Variants in CACNA1I observed in about 807,000 individuals in gnomAD.
CACNA1I encodes the protein voltage-dependent T-type calcium channel subunit alpha-1I.
In CACNA1I, 74 loss-of-function variants were observed where a neutral mutation model predicts 201.6. The observed-to-expected ratio is 0.37, with a 90% CI of 0.30 to 0.45. CACNA1I has a LOEUF of 0.45. CACNA1I is among the 20% of genes least tolerant of loss of function. The pLI, the probability that CACNA1I is intolerant of heterozygous loss-of-function variation, is 1.00. For missense variants in CACNA1I, 2,346 were observed against 3,138.1 expected, an observed-to-expected ratio of 0.75 and a Z score of 6.03; for synonymous variants, 1,431 against 1,345.2, an observed-to-expected ratio of 1.06 and a Z score of -1.40.
intron 4 of CACNA1I, among the ~76,000 whole-genome samples, chr22:39,624,067 G>A (rs1933831109): frequency 6.6e-6 from 1 of 151,496 alleles, no homozygotes; most frequent in African/African-American, 2.4e-5. Context: ...GTGCCTGTGA[G>A]GGTGTGTTTG....
intron 1 of CACNA1I, among the ~76,000 whole-genome samples, chr22:39,590,772 C>A (rs1932811656): frequency 6.6e-6 from 1 of 152,202 alleles, no homozygotes; most frequent in Non-Finnish European, 1.5e-5. Flanking sequence ...TAGTATCAGC[C>A]AGTTTGGGAG....
rs1569093501 is a variant in CACNA1I at position 39,669,919 on chromosome 22, C to G, written c.4195-119C>G. The G allele has an allele frequency of 2.7e-6, 3 of 1,131,500 alleles. No individual in the cohort carries two copies. In the East Asian group the frequency reaches 7.1e-5, roughly 27 times the overall value. The allele number at this position is 1,131,500 out of a possible 1,614,324, so 70.1% of individuals were successfully genotyped here. A position where few individuals can be genotyped will look rare whatever the true frequency, so the allele number is the denominator to read the frequency against. On this transcript the variant is annotated intron_variant, in intron 24 of 36. Coordinates refer to ENST00000402142, the MANE Select transcript of CACNA1I (RefSeq NM_021096.4). ...CTGCCTCATTTAGACCTCACAGCCACCTTCCTGGAGGCAGGCTCAACACAT... is the reference window on the plus strand; with the variant it reads ...CTGCCTCATTTAGACCTCACAGCCAGCTTCCTGGAGGCAGGCTCAACACAT...
At chr22:39,583,575 A>G (rs1033533785) in intron 1 of CACNA1I, among the ~76,000 whole-genome samples, 3 of 152,144 alleles carry the variant, frequency 2.0e-5, no homozygotes, top group African/African-American at 7.2e-5. Flanking sequence ...CTTCCTAACA[A>G]TTACTTATTT....
chr22:39,649,586 C>A lies in CACNA1I; in HGVS notation c.1653C>A (p.Ala551=). Residue 551 remains alanine (A), a synonymous_variant, in exon 10 of 37, where the codon GCC becomes GCA. Coordinates refer to ENST00000402142, the MANE Select transcript of CACNA1I (RefSeq NM_021096.4). This position sits in a 1 kb window ranked among gnomAD's most constrained non-coding sequence, Gnocchi z 7.3. Reference sequence around the variant, plus strand: ...CCGCCACGCTGGCTTCCGATCCCGCCAGCTGCCCTTGCTGCCAGCATGAGG... The same window carrying A: ...CCGCCACGCTGGCTTCCGATCCCGCAAGCTGCCCTTGCTGCCAGCATGAGG... ...PIPATLASDP[A]SCPCCQHEDG... is the part of the protein sequence containing the mutation. 1.3e-6 allele frequency: 2 copies of A among 1,545,658 alleles called. No individual in the cohort carries two copies. The highest frequency in any genetic ancestry group is 1.7e-6 in the Non-Finnish European group (2 of 1,144,770).
chr22:39,677,475 A>G lies in CACNA1I; in HGVS notation c.4933+56A>G, dbSNP rs962816834. ...GGGGTGCAGCAGGGCTGCAGGAGGA[A>G]CTGGGGGGGCGGGGGAGGCCTGAGA... On this transcript the variant is annotated intron_variant, in intron 30 of 36. Coordinates refer to ENST00000402142, the MANE Select transcript of CACNA1I (RefSeq NM_021096.4). The surrounding 1 kb of genome is among the most constrained non-coding windows in gnomAD (Gnocchi z 4.8). 1.9e-6 allele frequency: 2 copies of G among 1,074,520 alleles called. No individual in the cohort carries two copies. The highest frequency in any genetic ancestry group is 3.2e-5 in the African/African-American group (2 of 62,438). The allele number at this position is 1,074,520 out of a possible 1,614,324, so 66.6% of individuals were successfully genotyped here.
At chr22:39,636,464 G>T (rs1934221488) in intron 5 of CACNA1I, among the ~76,000 whole-genome samples, 1 of 152,250 alleles carries the variant, frequency 6.6e-6, no homozygotes, top group Non-Finnish European at 1.5e-5. Flanking sequence ...TTCTCTTAGG[G>T]TGGGTGTTAT....
intron 3 of CACNA1I, among the ~76,000 whole-genome samples, chr22:39,618,373 CTGTG>C (rs553487009): frequency 7.1e-6 from 1 of 139,954 alleles, no homozygotes; most frequent in Non-Finnish European, 1.6e-5. Context: ...GCGTGTGTGA[CTGTG>C]TGCATGGGTG....
chr22:39,586,720 G>A (rs1353670416), intron 1 of CACNA1I, among the ~76,000 whole-genome samples: 10 of 152,154 alleles, frequency 6.6e-5, no homozygotes, highest in East Asian at 1.9e-4. Flanking sequence ...GAACACAGAC[G>A]TGTGTTCAGG....
Position 39,686,078 on chromosome 22 carries a change from C to CGGGGG in CACNA1I, c.6347_6348insGGGGG (p.Gly2118AlafsTer156). 1 of 1,222,718 alleles carries CGGGGG rather than the reference C, an allele frequency of 8.2e-7. No homozygotes were observed. Among genetic ancestry groups the CGGGGG allele is most frequent in the Non-Finnish European group, 1.0e-6 (1 of 984,620 alleles). The allele number at this position is 1,222,718 out of a possible 1,614,324, so 75.7% of individuals were successfully genotyped here. ...ACGAGGAGGGCCGCGGTGGCGCGGG[C>CGGGGG]GGCGGGGGCGCGGGCAGCGAGCACT... On this transcript the variant is annotated frameshift_variant, in exon 37 of 37. Coordinates refer to ENST00000402142, the MANE Select transcript of CACNA1I (RefSeq NM_021096.4). LOFTEE classifies it low-confidence loss of function (END_TRUNC).
intron 5 of CACNA1I, among the ~76,000 whole-genome samples, chr22:39,637,363 A>G (rs1216299903): frequency 2.0e-5 from 3 of 152,146 alleles, no homozygotes; most frequent in Non-Finnish European, 4.4e-5. Context: ...AAGATTCAAG[A>G]AAAATGTCTC....
rs1234652528 is a variant in CACNA1I, at chr22:39,665,376, C to A, written c.3852-122C>A. The stretch of plus-strand genomic sequence containing the variant: ...TGTCCTCATGCCCCAGGGTGTTCAG[C>A]CCTGGTGAGCCCTGGGGACTCATGC... On this transcript the variant is annotated intron_variant, in intron 21 of 36. Transcript: ENST00000402142. This position sits in a 1 kb window ranked among gnomAD's most constrained non-coding sequence, Gnocchi z 5.5. The A allele has an allele frequency of 4.2e-6, 5 of 1,179,686 alleles. No individual in the cohort carries two copies. Among genetic ancestry groups the A allele is most frequent in the Admixed American group, 4.6e-5 (2 of 43,504 alleles). 73.1% of individuals were successfully genotyped at this position (1,179,686 alleles called of 1,614,324 possible).
chr22:39,615,600 C>G (rs1319185770), intron 3 of CACNA1I, among the ~76,000 whole-genome samples: 1 of 152,180 alleles, frequency 6.6e-6, no homozygotes, highest in Non-Finnish European at 1.5e-5. Context: ...TCCCTCCCAA[C>G]TAAGTGCTCT....
At chr22:39,574,483 C>T (rs1010980807) in intron 1 of CACNA1I, among the ~76,000 whole-genome samples, 9 of 151,296 alleles carry the variant, frequency 5.9e-5, no homozygotes, top group African/African-American at 1.9e-4. Context: ...GGATGGGGTG[C>T]GTGTGTGGGT....
rs1935047787 is a variant in CACNA1I, at chr22:39,662,294, C to T, written c.3231C>T (p.His1077=). The change falls in exon 17 of 37, where the codon CAC becomes CAT. Residue 1077 remains histidine, a synonymous_variant. Transcript: ENST00000402142. ...AGCTGGTGCCCGCGGTGGGCGCCCACCCCCGGGCCGCCTGGAGGGCGGCAG... is the reference window on the plus strand; with the variant it reads ...AGCTGGTGCCCGCGGTGGGCGCCCATCCCCGGGCCGCCTGGAGGGCGGCAG... ...LAELVPAVGA[H]PRAAWRAAGP... 6.6e-7 allele frequency: 1 copy of T among 1,504,688 alleles called. No individual in the cohort carries two copies. Among genetic ancestry groups the T allele is most frequent in the South Asian group, 1.3e-5 (1 of 79,372 alleles). 93.2% of individuals were successfully genotyped at this position (1,504,688 alleles called of 1,614,324 possible).
intron 15 of CACNA1I, 74 bp downstream of exon 15, chr22:39,660,511 C>G: frequency 1.0e-6 from 1 of 970,212 alleles, no homozygotes; most frequent in African/African-American, 1.6e-5. Flanking sequence ...GAGGGTACAG[C>G]GTCTGACTCC....
At position 39,682,278 on chromosome 22, in the gene CACNA1I, G is replaced by A. The variant is rs555857130; in HGVS notation, c.5665-218G>A. Among the ~76,000 whole-genome samples, 46 of 152,360 alleles carry A rather than the reference G, an allele frequency of 3.0e-4. 1 individual carries two copies. In the South Asian group the frequency reaches 7.7e-3, roughly 25 times the overall value. Reference sequence around the variant, plus strand: ...TCGCTGGGCCAGGGTCTGTACCAGGGGAAGTCACTAACTGCCTGGGGCATC... The same window carrying A: ...TCGCTGGGCCAGGGTCTGTACCAGGAGAAGTCACTAACTGCCTGGGGCATC... On this transcript the variant is annotated intron_variant, in intron 34 of 36. Transcript: ENST00000402142.
At chr22:39,578,963 G>A (rs910841377) in intron 1 of CACNA1I, among the ~76,000 whole-genome samples, 2 of 152,088 alleles carry the variant, frequency 1.3e-5, no homozygotes, top group Admixed American at 6.6e-5. Flanking sequence ...AGCCCCACAA[G>A]CCCAACTTCC....
intron 3 of CACNA1I, among the ~76,000 whole-genome samples, chr22:39,615,893 T>C (rs918057319): frequency 1.3e-5 from 2 of 152,200 alleles, no homozygotes; most frequent in Non-Finnish European, 2.9e-5. Flanking sequence ...TCTTTCATGC[T>C]GCTAAGAACT....
intron 10 of CACNA1I, among the ~76,000 whole-genome samples, chr22:39,653,261 C>A (rs1351511607): frequency 6.6e-6 from 1 of 152,184 alleles, no homozygotes; most frequent in Non-Finnish European, 1.5e-5. Context: ...CATTTACCAT[C>A]CTCTGTCTGG....
Sources: allele counts gnomAD v4.1 joint callset (sites outside exome capture counted in the v4.1 genomes callset), GRCh38; gene constraint gnomAD v4.1.1; non-coding constraint Gnocchi (gnomAD v3.1); transcripts MANE v1.5; gene names NCBI Gene and HGNC (gene_info 2026-07-23, HGNC 2026-07-21).